The following TEAD3 variants were observed in gnomAD, a reference collection of about 807,000 sequenced individuals.
TEAD3 encodes the protein transcriptional enhancer factor TEF-5.
A neutral mutation model predicts 55.6 loss-of-function variants in TEAD3; 15 were observed. The ratio of observed to expected loss-of-function variants is 0.27; its 90% CI spans 0.18 to 0.42. The LOEUF (loss-of-function observed/expected upper bound fraction) is 0.42. Ranked by LOEUF, TEAD3 falls within the 10% of genes least tolerant of loss-of-function variation. The pLI is 1.00. For synonymous variants in TEAD3, 210 were observed against 232.2 expected (o/e 0.90, Z 0.87); for missense variants, 407 against 576.8 (o/e 0.71, Z 3.01).
At position 35,491,245 on chromosome 6, in the gene TEAD3, C is replaced by T. The variant is rs1314651737; in HGVS notation, c.-49-4534G>A. ...AGTGCTGGACCCTCAGACCCACAGA[C>T]TGACAGACAGAGCCGGTGGGGGGTG... On this transcript the variant is annotated intron_variant, in intron 1 of 12. Coordinates refer to ENST00000639578, the Ensembl canonical transcript of TEAD3. The surrounding 1 kb of genome is among the most constrained non-coding windows in gnomAD (Gnocchi z 4.4). Among the ~76,000 whole-genome samples the T allele has an allele frequency of 6.8e-6, 1 of 146,192 alleles. No homozygotes were observed. The highest frequency in any genetic ancestry group is 1.5e-5 in the Non-Finnish European group (1 of 66,942).
rs1284280865 is a variant in TEAD3 at position 35,496,091 on chromosome 6, C to T, written c.-50+807G>A. ...GACCAGCGCTCCCAGCCCTCCCTCC[C>T]CTAGCAGGAATAAAGGGCATGACAG... On this transcript the variant is annotated intron_variant, in intron 1 of 12. Coordinates refer to ENST00000639578, the Ensembl canonical transcript of TEAD3. This position sits in a 1 kb window ranked among gnomAD's most constrained non-coding sequence, Gnocchi z 4.8. 6.6e-6 allele frequency among the ~76,000 whole-genome samples: 1 copy of T among 152,228 alleles called. No individual in the cohort carries two copies. Among genetic ancestry groups the T allele is most frequent in the Admixed American group, 6.5e-5 (1 of 15,284 alleles).
At position 35,484,550 on chromosome 6, in the gene TEAD3, GTC is replaced by G. The variant is rs1768333327; in HGVS notation, c.267+8_267+9del. 6.3e-7 allele frequency: 1 copy of G among 1,598,634 alleles called. No individual in the cohort carries two copies. ...GTGGGTGGCAGGCCCAGCATAAACC[GTC>G]TCTCTACCTGTTTTCTCGTCCGAGT... On this transcript the variant is annotated splice_region_variant and intron_variant, in intron 3 of 12. Coordinates refer to ENST00000639578, the Ensembl canonical transcript of TEAD3. This position sits in a 1 kb window ranked among gnomAD's most constrained non-coding sequence, Gnocchi z 5.8.
rs1005045988 is a variant in TEAD3 at position 35,491,505 on chromosome 6, G to A, written c.-49-4794C>T. Among the ~76,000 whole-genome samples the A allele has an allele frequency of 6.6e-6, 1 of 152,088 alleles. No homozygotes were observed. Among genetic ancestry groups the A allele is most frequent in the Non-Finnish European group, 1.5e-5 (1 of 67,988 alleles). On this transcript the variant is annotated intron_variant, in intron 1 of 12. Transcript: ENST00000639578. The surrounding 1 kb of genome is among the most constrained non-coding windows in gnomAD (Gnocchi z 4.4). Reference sequence around the variant, plus strand: ...GTGACAAGGGAGGCCACTGCCAGGGGCTGGGGCTGGCCACCATCCAGGACA... The same window carrying A: ...GTGACAAGGGAGGCCACTGCCAGGGACTGGGGCTGGCCACCATCCAGGACA...
rs755680286 is a variant in TEAD3, at chr6:35,478,435, C to G, written c.479G>C (p.Arg160Pro). The change falls in exon 6 of 13, where the codon CGG becomes CCG. Residue 160 changes from arginine to proline, a missense_variant and splice_region_variant. Physicochemically the swap from Arg to Pro is moderately radical, Grantham distance 103 (BLOSUM62 -2). Transcript: ENST00000639578. Reference sequence around the variant, plus strand: ...GCCCACCTCCTGGGACCCATGTACCCGCGAGGAAGTGGAGAAGACGGCCTG... The same window carrying G: ...GCCCACCTCCTGGGACCCATGTACCGGCGAGGAAGTGGAGAAGACGGCCTG... 4 of 1,613,492 alleles carry G rather than the reference C, an allele frequency of 2.5e-6. No homozygotes were observed. The African/African-American group carries it at 5.3e-5, about 22-fold the overall frequency.
At chr6:35,490,202 G>A (rs11756511) in intron 1 of TEAD3, among the ~76,000 whole-genome samples, 3 of 152,156 alleles carry the variant, frequency 2.0e-5, no homozygotes, top group Non-Finnish European at 4.4e-5. Flanking sequence ...CCCCTTCTTA[G>A]GGTGATGTCA....
At chr6:35,478,437 C>G in exon 6 of TEAD3, 1 of 1,613,662 alleles carries the variant, frequency 6.2e-7, no homozygotes, top group Non-Finnish European at 8.5e-7. Context: ...CATGTACCCG[C>G]GAGGAAGTGG....
At position 35,486,040 on chromosome 6, in the gene TEAD3, G is replaced by A. The variant is rs954735740; in HGVS notation, c.202+421C>T. ...CCAACGCAGGCCTTTGTCCCCGTGC[G>A]ACCTCCCACAGCCCGCACTGGAGAG... is the stretch of plus-strand genomic sequence containing the variant. On this transcript the variant is annotated intron_variant, in intron 2 of 12. Transcript: ENST00000639578. This position sits in a 1 kb window ranked among gnomAD's most constrained non-coding sequence, Gnocchi z 7.3. Among the ~76,000 whole-genome samples, 2 of 152,166 alleles carry A rather than the reference G, an allele frequency of 1.3e-5. No homozygotes were observed. The highest frequency in any genetic ancestry group is 2.9e-5 in the Non-Finnish European group (2 of 68,018).
Position 35,482,799 on chromosome 6 carries a change from C to T in TEAD3, c.267+1761G>A, listed in dbSNP as rs117500827. On this transcript the variant is annotated intron_variant, in intron 3 of 12. Coordinates refer to ENST00000639578, the Ensembl canonical transcript of TEAD3. ...AACAAAAAAACAGTGACCTAGTGAC[C>T]CTTGGCCCGTTCCCACTCTGACTAA... 1.9e-3 allele frequency among the ~76,000 whole-genome samples: 285 copies of T among 152,206 alleles called. 5 individuals are homozygous for T. The East Asian group carries it at 0.027, about 15-fold the overall frequency.
At position 35,486,247 on chromosome 6, in the gene TEAD3, C is replaced by T. The variant is rs1408823968; in HGVS notation, c.202+214G>A. 6.6e-6 allele frequency among the ~76,000 whole-genome samples: 1 copy of T among 152,172 alleles called. No individual in the cohort carries two copies. The highest frequency in any genetic ancestry group is 1.9e-4 in the East Asian group (1 of 5,172). On this transcript the variant is annotated intron_variant, in intron 2 of 12. Transcript: ENST00000639578. This position sits in a 1 kb window ranked among gnomAD's most constrained non-coding sequence, Gnocchi z 7.3. ...TAGCGGGGAGGAGAGGAGGAGCAGGCGGGGGTGCCAAGGTGTGGGCTGCGC... is the reference window on the plus strand; with the variant it reads ...TAGCGGGGAGGAGAGGAGGAGCAGGTGGGGGTGCCAAGGTGTGGGCTGCGC...
chr6:35,475,553 A>C lies in TEAD3; in HGVS notation c.1041+13T>G. On this transcript the variant is annotated intron_variant, in intron 11 of 12. Transcript: ENST00000639578. This position sits in a 1 kb window ranked among gnomAD's most constrained non-coding sequence, Gnocchi z 5.4. Reference sequence around the variant, plus strand: ...CTCCCAGCCCCACCAAGCCACCCAGAGCCCCCACTCACCTCCACCTTCTCT... The same window carrying C: ...CTCCCAGCCCCACCAAGCCACCCAGCGCCCCCACTCACCTCCACCTTCTCT... The C allele has an allele frequency of 1.2e-6, 2 of 1,607,020 alleles. No individual in the cohort carries two copies. The highest frequency in any genetic ancestry group is 1.7e-6 in the Non-Finnish European group (2 of 1,175,406).
intron 1 of TEAD3, among the ~76,000 whole-genome samples, chr6:35,494,683 G>C (rs1222705853): frequency 1.3e-5 from 2 of 152,148 alleles, no homozygotes; most frequent in African/African-American, 4.8e-5. Flanking sequence ...GGGAGGAGGA[G>C]GAGGGCAGGA....
chr6:35,480,149 A>C (rs1768236930), intron 3 of TEAD3, 163 bp downstream of exon 4: 1 of 1,549,166 alleles, frequency 6.5e-7, no homozygotes, highest in Non-Finnish European at 8.7e-7. Context: ...AAAGAGAAAA[A>C]GAACAGAAAG....
Position 35,476,397 on chromosome 6 carries a change from A to G in TEAD3, c.631T>C (p.Ser211Pro), listed in dbSNP as rs764970279. 2.5e-6 allele frequency: 4 copies of G among 1,613,160 alleles called. No individual in the cohort carries two copies. In the Admixed American group the frequency reaches 6.7e-5, roughly 27 times the overall value. ...GTACGGTCCTGCCACACAGGCACAGAGGCAGCAGCTGAGGGGAGCGGGGCC... is the reference window on the plus strand; with the variant it reads ...GTACGGTCCTGCCACACAGGCACAGGGGCAGCAGCTGAGGGGAGCGGGGCC... Residue 211 changes from serine to proline, a missense_variant, in exon 9 of 13, where the codon TCT becomes CCT. Physicochemically the swap from Ser to Pro is moderately conservative, Grantham distance 74. Coordinates refer to ENST00000639578, the Ensembl canonical transcript of TEAD3.
Position 35,475,524 on chromosome 6 carries a change from C to T in TEAD3, c.1042-36G>A. 6.2e-7 allele frequency: 1 copy of T among 1,604,350 alleles called. No individual in the cohort carries two copies. Among genetic ancestry groups the T allele is most frequent in the Non-Finnish European group, 8.5e-7 (1 of 1,173,044 alleles). ...TATGGAGAAGGCGTCACTCGGCCTG[C>T]CTGCTCCCAGCCCCACCAAGCCACC... On this transcript the variant is annotated intron_variant, in intron 11 of 12. Transcript: ENST00000639578. This position sits in a 1 kb window ranked among gnomAD's most constrained non-coding sequence, Gnocchi z 5.4.
chr6:35,479,069 G>A (rs1191769876), intron 5 of TEAD3, among the ~76,000 whole-genome samples: 1 of 151,912 alleles, frequency 6.6e-6, no homozygotes, highest in Non-Finnish European at 1.5e-5. Context: ...TAGTAGAGAC[G>A]GAGTTTCACC....
intron 4 of TEAD3, 43 bp from the exon 5 acceptor site, chr6:35,479,359 C>T (rs1361313564): frequency 1.2e-6 from 2 of 1,613,418 alleles, no homozygotes. Flanking sequence ...ACATGTGCAG[C>T]ACCAGGGCTG....
intron 1 of TEAD3, among the ~76,000 whole-genome samples, chr6:35,487,299 A>G (rs1768406185): frequency 6.6e-6 from 1 of 152,120 alleles, no homozygotes; most frequent in African/African-American, 2.4e-5. Context: ...CATGCCTATA[A>G]TCCCATCACT....
At chr6:35,495,695 G>A (rs1462116336) in intron 1 of TEAD3, among the ~76,000 whole-genome samples, 7 of 152,192 alleles carry the variant, frequency 4.6e-5, no homozygotes, top group African/African-American at 2.4e-5. Context: ...CAACTTTTGA[G>A]GAAAGCCTCC....
chr6:35,489,407 A>C (rs1768455800), intron 1 of TEAD3, among the ~76,000 whole-genome samples: 1 of 152,096 alleles, frequency 6.6e-6, no homozygotes, highest in Non-Finnish European at 1.5e-5. Context: ...GTGCTGAGAG[A>C]CCCCACCACC....
Sources: gnomAD v4.1 joint callset for allele counts (sites outside exome capture counted in the v4.1 genomes callset) on GRCh38, gnomAD v4.1.1 for gene constraint, Gnocchi (gnomAD v3.1) non-coding constraint, MANE v1.5 for transcripts, NCBI Gene and HGNC (gene_info 2026-07-23, HGNC 2026-07-21) for gene names.